Variants in XXYLT1 observed in about 807,000 individuals in gnomAD.
XXYLT1 encodes the protein UDP-xylose:alpha-xyloside alpha-1,3-xylosyltransferase.
Under a neutral mutation model 28.9 loss-of-function variants are expected in XXYLT1, and 20 were observed. The ratio of observed to expected loss-of-function variants is 0.69; its 90% CI spans 0.49 to 1.00. XXYLT1 has a LOEUF of 1.00. Ranked by LOEUF, XXYLT1 falls within the 50% of genes least tolerant of loss-of-function variation. The pLI is 0.00. For missense variants in XXYLT1, 542 were observed against 560.1 expected (o/e 0.97, Z 0.33); for synonymous variants, 257 against 253.8 (o/e 1.01, Z -0.12).
rs6787750 is a variant in XXYLT1 at position 195,239,721 on chromosome 3, C to G, written c.505-12865G>C. On this transcript the variant is annotated intron_variant, in intron 1 of 3. Coordinates refer to ENST00000310380, the MANE Select transcript of XXYLT1 (RefSeq NM_152531.5). Reference sequence around the variant, plus strand: ...CCCTTCGTGTGCATCAACAGCAATGCCTTTATGAAGCCCAGAGTCAAGCTG... The same window carrying G: ...CCCTTCGTGTGCATCAACAGCAATGGCTTTATGAAGCCCAGAGTCAAGCTG... Among the ~76,000 whole-genome samples the G allele has an allele frequency of 2.8e-3, 429 of 152,298 alleles. 1 individual carries two copies. Among genetic ancestry groups the G allele is most frequent in the African/African-American group, 1.0e-2 (415 of 41,558 alleles).
rs546335943 is a variant in XXYLT1 at position 195,257,554 on chromosome 3, C to T, written c.504+13001G>A. Among the ~76,000 whole-genome samples the T allele has an allele frequency of 1.3e-5, 2 of 152,224 alleles. No individual in the cohort carries two copies. The highest frequency in any genetic ancestry group is 3.9e-4 in the East Asian group (2 of 5,176). Reference sequence around the variant, plus strand: ...CAAAGTCCCAGAGATGGGAAGTGGCCGGGGTACACCACAACCCCAGGCAGT... The same window carrying T: ...CAAAGTCCCAGAGATGGGAAGTGGCTGGGGTACACCACAACCCCAGGCAGT... On this transcript the variant is annotated intron_variant, in intron 1 of 3. Coordinates refer to ENST00000310380, the MANE Select transcript of XXYLT1 (RefSeq NM_152531.5). This position sits in a 1 kb window ranked among gnomAD's most constrained non-coding sequence, Gnocchi z 4.3.
intron 3 of XXYLT1, among the ~76,000 whole-genome samples, chr3:195,101,439 C>T (rs887804899): frequency 6.6e-6 from 1 of 152,182 alleles, no homozygotes; most frequent in Non-Finnish European, 1.5e-5. Flanking sequence ...CCATTTCCTT[C>T]CCATTTATTA....
intron 2 of XXYLT1, among the ~76,000 whole-genome samples, chr3:195,200,116 C>G (rs188324342): frequency 6.6e-6 from 1 of 152,314 alleles, no homozygotes. Context: ...AAGATCTTTC[C>G]TGGAACCTGC....
chr3:195,202,147 T>A (rs554163598), intron 2 of XXYLT1, among the ~76,000 whole-genome samples: 249 of 152,146 alleles, frequency 1.6e-3, no homozygotes, highest in Admixed American at 0.01. Context: ...ACTGCACTCC[T>A]GCCTGGGCAA....
intron 1 of XXYLT1, among the ~76,000 whole-genome samples, chr3:195,249,665 G>A (rs1446169074): frequency 2.6e-5 from 4 of 152,188 alleles, no homozygotes; most frequent in Non-Finnish European, 5.9e-5. Context: ...CAACCTTTCA[G>A]GCACAAGGGT....
chr3:195,181,382 C>A (rs1019651059), intron 2 of XXYLT1, among the ~76,000 whole-genome samples: 2 of 152,228 alleles, frequency 1.3e-5, no homozygotes, highest in Non-Finnish European at 2.9e-5. Flanking sequence ...TACACATTTA[C>A]CCCCTGGCCC....
intron 1 of XXYLT1, among the ~76,000 whole-genome samples, chr3:195,261,083 T>C (rs754802953): frequency 6.6e-6 from 1 of 152,212 alleles, no homozygotes; most frequent in South Asian, 2.1e-4. Context: ...ATGCCACACC[T>C]CTTTCCCCAG....
chr3:195,123,435 T>C (rs1254567056), intron 3 of XXYLT1, among the ~76,000 whole-genome samples: 1 of 152,224 alleles, frequency 6.6e-6, no homozygotes. Context: ...TTGGGGATTC[T>C]GGGAGAACAC....
intron 3 of XXYLT1, among the ~76,000 whole-genome samples, chr3:195,130,461 G>GT (rs1718847306): frequency 6.6e-6 from 1 of 152,246 alleles, no homozygotes; most frequent in South Asian, 2.1e-4. Flanking sequence ...GAGACACCAG[G>GT]TAAGATTAAA....
At chr3:195,153,052 G>T (rs1313771294) in intron 3 of XXYLT1, among the ~76,000 whole-genome samples, 3 of 152,200 alleles carry the variant, frequency 2.0e-5, no homozygotes, top group Non-Finnish European at 4.4e-5. Flanking sequence ...TCTGACGGCC[G>T]CAGCAATGGC....
chr3:195,087,423 G>T, intron 3 of XXYLT1: 1 of 152,420 alleles, frequency 6.6e-6, no homozygotes. Flanking sequence ...AAAAGCATCT[G>T]AGCTACCCTC....
intron 1 of XXYLT1, among the ~76,000 whole-genome samples, chr3:195,245,067 G>A (rs1222308894): frequency 6.6e-6 from 1 of 151,326 alleles, no homozygotes; most frequent in African/African-American, 2.4e-5. Context: ...TCAGGAGGCT[G>A]AGGCAGGAGA....
chr3:195,166,868 A>G (rs1018643413), intron 2 of XXYLT1, among the ~76,000 whole-genome samples: 1 of 152,152 alleles, frequency 6.6e-6, no homozygotes, highest in Non-Finnish European at 1.5e-5. Context: ...TAGTAGAGAT[A>G]GGGTTTCACC....
chr3:195,130,474 A>G (rs766651222), intron 3 of XXYLT1, among the ~76,000 whole-genome samples: 2 of 152,252 alleles, frequency 1.3e-5, no homozygotes, highest in Non-Finnish European at 2.9e-5. Context: ...AGATTAAATA[A>G]ATGCTTTAAC....
chr3:195,100,466 C>T (rs1716714767), intron 3 of XXYLT1, among the ~76,000 whole-genome samples: 1 of 152,172 alleles, frequency 6.6e-6, no homozygotes. Context: ...GTCTTCTGCC[C>T]TGGCATCAGG....
intron 1 of XXYLT1, among the ~76,000 whole-genome samples, chr3:195,250,520 C>T (rs1257529962): frequency 6.6e-6 from 1 of 150,990 alleles, no homozygotes; most frequent in African/African-American, 2.4e-5. Flanking sequence ...GCAGAGATCG[C>T]GCCACTGCAC....
chr3:195,197,201 C>A (rs1290243564), intron 2 of XXYLT1, among the ~76,000 whole-genome samples: 5 of 152,174 alleles, frequency 3.3e-5, no homozygotes, highest in Non-Finnish European at 7.3e-5. Context: ...CTTTGGGAGG[C>A]CAAGGCCAGT....
At chr3:195,087,490 T>C (rs779378102) in intron 3 of XXYLT1, 1 of 152,290 alleles carries the variant, frequency 6.6e-6, no homozygotes, top group Non-Finnish European at 1.5e-5. Flanking sequence ...TGCCTGGAGC[T>C]GGTAGAGCAC....
chr3:195,234,846 G>C lies in XXYLT1; in HGVS notation c.505-7990C>G, dbSNP rs115027434. Among the ~76,000 whole-genome samples, 428 of 152,092 alleles carry C rather than the reference G, an allele frequency of 2.8e-3. 1 individual carries two copies. The highest frequency in any genetic ancestry group is 1.0e-2 in the African/African-American group (414 of 41,482). On this transcript the variant is annotated intron_variant, in intron 1 of 3. Transcript: ENST00000310380. ...AATGCCTTGAGGTAGACGTCTTTGG[G>C]CTAAATCTGCTTGGTGTTCTATAAC...
Sources: allele counts gnomAD v4.1 joint callset (sites outside exome capture counted in the v4.1 genomes callset), GRCh38; gene constraint gnomAD v4.1.1; non-coding constraint Gnocchi (gnomAD v3.1); transcripts MANE v1.5; gene names NCBI Gene and HGNC (gene_info 2026-07-23, HGNC 2026-07-21).